The following PARD6G variants were observed in gnomAD, a reference collection of about 807,000 sequenced individuals.
The protein encoded by PARD6G is partitioning defective 6 homolog gamma.
PARD6G carries 7 observed loss-of-function variants against 10.7 expected under a neutral mutation model. The ratio of observed to expected loss-of-function variants is 0.66; its 90% CI spans 0.37 to 1.23. The LOEUF (loss-of-function observed/expected upper bound fraction) is 1.23, where lower values mean the gene tolerates loss of function less well. PARD6G is among the 50% of genes most tolerant of loss of function. The pLI is 0.02. For synonymous variants in PARD6G, 287 were observed against 269.4 expected, an observed-to-expected ratio of 1.07 and a Z score of -0.64; for missense variants, 548 against 571.8, an observed-to-expected ratio of 0.96 and a Z score of 0.42.
Position 80,189,002 on chromosome 18 carries a change from C to G in PARD6G, c.295+13708G>C, listed in dbSNP as rs756338253. On this transcript the variant is annotated intron_variant, in intron 2 of 2. Coordinates refer to ENST00000353265, the MANE Select transcript of PARD6G (RefSeq NM_032510.4). The surrounding 1 kb of genome is among the most constrained non-coding windows in gnomAD (Gnocchi z 5.5). ...GTAGGCGTTGCCCAGCCCGGGGTTG[C>G]CTGACACTCTCTGGGGCAGAGAACC... Among the ~76,000 whole-genome samples, 1 of 152,216 alleles carries G rather than the reference C, an allele frequency of 6.6e-6. No individual in the cohort carries two copies. Among genetic ancestry groups the G allele is most frequent in the East Asian group, 1.9e-4 (1 of 5,194 alleles).
At chr18:80,173,394 G>T (rs964346541) in intron 2 of PARD6G, among the ~76,000 whole-genome samples, 1 of 152,192 alleles carries the variant, frequency 6.6e-6, no homozygotes, top group Non-Finnish European at 1.5e-5. Flanking sequence ...GGAGGCCGAA[G>T]TGAGTGGATC....
intron 2 of PARD6G, among the ~76,000 whole-genome samples, chr18:80,167,403 A>G (rs2052743993): frequency 6.6e-6 from 1 of 152,182 alleles, no homozygotes; most frequent in South Asian, 2.1e-4. Flanking sequence ...CTCTTCATGC[A>G]GCAGCTCACT....
Position 80,202,870 on chromosome 18 carries a change from G to A in PARD6G, c.135C>T (p.Phe45=). 6.2e-7 allele frequency: 1 copy of A among 1,602,370 alleles called. No individual in the cohort carries two copies. Among genetic ancestry groups the A allele is most frequent in the Non-Finnish European group, 8.5e-7 (1 of 1,175,402 alleles). The change falls in exon 2 of 3, where the codon TTC becomes TTT. Residue 45 remains phenylalanine, a synonymous_variant. Coordinates refer to ENST00000353265, the MANE Select transcript of PARD6G (RefSeq NM_032510.4). The stretch of plus-strand genomic sequence containing the variant: ...GGTGGGTGTGCACAACCAGCTTGTA[G>A]AAATCTTCAAACTTCCCAGGCTTAT... ...DRHKPGKFED[F]YKLVVHTHHI...
chr18:80,202,814 T>A lies in PARD6G; in HGVS notation c.191A>T (p.Tyr64Phe). The A allele has an allele frequency of 6.2e-7, 1 of 1,613,908 alleles. No individual in the cohort carries two copies. Among genetic ancestry groups the A allele is most frequent in the Admixed American group, 1.7e-5 (1 of 59,998 alleles). Residue 64 changes from tyrosine to phenylalanine, a missense_variant, in exon 2 of 3, where the codon TAT (tyrosine) becomes TTT (phenylalanine). Tyr to Phe is a conservative substitution (Grantham distance 22). Around this residue, in one of 2 missense-constraint regions of PARD6G, gnomAD observed 235 missense variants for 291.9 expected, o/e 0.81. Coordinates refer to ENST00000353265, the MANE Select transcript of PARD6G (RefSeq NM_032510.4). ...HISNSDVTIG[Y>F]ADVHGDLLPI... ...CAGCAGGTCTCCGTGCACATCTGCA[T>A]AGCCAATAGTTACATCACTGTTGGA...
At chr18:80,173,014 T>C (rs1347202159) in intron 2 of PARD6G, among the ~76,000 whole-genome samples, 1 of 152,218 alleles carries the variant, frequency 6.6e-6, no homozygotes, top group Non-Finnish European at 1.5e-5. Context: ...AATGTCACCA[T>C]ATGCTTGGAC....
At chr18:80,223,586 G>A (rs1359380436) in intron 1 of PARD6G, among the ~76,000 whole-genome samples, 2 of 152,184 alleles carry the variant, frequency 1.3e-5, no homozygotes, top group African/African-American at 4.8e-5. Flanking sequence ...AGAACGTGTG[G>A]GAATCTTAAC....
rs1967326124 is a variant in PARD6G, at chr18:80,228,807, C to T, written c.72+18470G>A. 6.6e-6 allele frequency among the ~76,000 whole-genome samples: 1 copy of T among 152,212 alleles called. No homozygotes were observed. Among genetic ancestry groups the T allele is most frequent in the African/African-American group, 2.4e-5 (1 of 41,446 alleles). ...AGAACAGTGAACAACTGCAGGTGAT[C>T]AGAAACAGAGACAGATTCCCACAGG... On this transcript the variant is annotated intron_variant, in intron 1 of 2. Transcript: ENST00000353265. The surrounding 1 kb of genome is among the most constrained non-coding windows in gnomAD (Gnocchi z 4.6).
At chr18:80,178,620 C>T (rs1376961069) in intron 2 of PARD6G, among the ~76,000 whole-genome samples, 5 of 152,174 alleles carry the variant, frequency 3.3e-5, no homozygotes, top group Non-Finnish European at 5.9e-5. Flanking sequence ...ATGTCCCAGC[C>T]CCCAGTCTCC....
At chr18:80,198,589 C>T (rs1257131626) in intron 2 of PARD6G, among the ~76,000 whole-genome samples, 1 of 152,200 alleles carries the variant, frequency 6.6e-6, no homozygotes, top group Non-Finnish European at 1.5e-5. Flanking sequence ...GACAGGGAGA[C>T]AGCTGGGGAT....
rs997800680 is a variant in PARD6G, at chr18:80,188,921, T to TG, written c.295+13788dup. ...GGGGCATCTGAACACAAGAGTGACCTGGGGGGTGAATGCAGACATGGGAAG... is the reference window on the plus strand; with the variant it reads ...GGGGCATCTGAACACAAGAGTGACCTGGGGGGGTGAATGCAGACATGGGAAG... On this transcript the variant is annotated intron_variant, in intron 2 of 2. Coordinates refer to ENST00000353265, the MANE Select transcript of PARD6G (RefSeq NM_032510.4). This position sits in a 1 kb window ranked among gnomAD's most constrained non-coding sequence, Gnocchi z 5.4. Among the ~76,000 whole-genome samples the TG allele has an allele frequency of 4.6e-5, 7 of 152,110 alleles. No homozygotes were observed. Among genetic ancestry groups the TG allele is most frequent in the Admixed American group, 2.0e-4 (3 of 15,276 alleles).
Position 80,246,651 on chromosome 18 carries a change from G to A in PARD6G, c.72+626C>T, listed in dbSNP as rs1382065089. On this transcript the variant is annotated intron_variant, in intron 1 of 2. Coordinates refer to ENST00000353265, the MANE Select transcript of PARD6G (RefSeq NM_032510.4). This position sits in a 1 kb window ranked among gnomAD's most constrained non-coding sequence, Gnocchi z 6.7. ...CCCGTGGGGGTGGGGTGGGGTGTCTGGCCCGGGGACGCGCCCGGGGAGGCG... is the reference window on the plus strand; with the variant it reads ...CCCGTGGGGGTGGGGTGGGGTGTCTAGCCCGGGGACGCGCCCGGGGAGGCG... Among the ~76,000 whole-genome samples the A allele has an allele frequency of 7.3e-5, 11 of 150,632 alleles. No homozygotes were observed. Among genetic ancestry groups the A allele is most frequent in the African/African-American group, 2.7e-4 (11 of 40,934 alleles).
At chr18:80,224,463 C>T (rs1051457328) in intron 1 of PARD6G, among the ~76,000 whole-genome samples, 1 of 152,184 alleles carries the variant, frequency 6.6e-6, no homozygotes, top group African/African-American at 2.4e-5. Flanking sequence ...CTCTCACTGT[C>T]GGCACAAACA....
At chr18:80,173,137 T>C (rs1312628685) in intron 2 of PARD6G, among the ~76,000 whole-genome samples, 1 of 152,172 alleles carries the variant, frequency 6.6e-6, no homozygotes, top group Non-Finnish European at 1.5e-5. Context: ...AACTACCCAA[T>C]GTAGAAAGTC....
chr18:80,209,170 G>A (rs1375290600), intron 1 of PARD6G, among the ~76,000 whole-genome samples: 2 of 151,616 alleles, frequency 1.3e-5, no homozygotes, highest in African/African-American at 2.4e-5. Flanking sequence ...CTGACACTAT[G>A]AGCTGTATCA....
intron 2 of PARD6G, chr18:80,170,466 G>C (rs1260974939): frequency 6.6e-6 from 1 of 152,366 alleles, no homozygotes; most frequent in African/African-American, 2.4e-5. Flanking sequence ...CCAAGAGCAG[G>C]ACTGTCGGCT....
At chr18:80,196,815 C>G (rs1444245589) in intron 2 of PARD6G, among the ~76,000 whole-genome samples, 2 of 150,540 alleles carry the variant, frequency 1.3e-5, no homozygotes, top group Admixed American at 1.3e-4. Flanking sequence ...CACTCCTACT[C>G]TAGCGTGAAC....
intron 1 of PARD6G, among the ~76,000 whole-genome samples, chr18:80,238,099 A>T (rs773189991): frequency 5.3e-5 from 8 of 152,202 alleles, no homozygotes. Flanking sequence ...AACCAACCTA[A>T]ATGTCCAACA....
rs1475217923 is a variant in PARD6G at position 80,231,818 on chromosome 18, G to C, written c.72+15459C>G. On this transcript the variant is annotated intron_variant, in intron 1 of 2. Transcript: ENST00000353265. The surrounding 1 kb of genome is among the most constrained non-coding windows in gnomAD (Gnocchi z 4.2). ...GTTCGGCATCTCACAGGCATCCACA[G>C]GGATGGCTGCCGAGCCCTTCTCAAA... Among the ~76,000 whole-genome samples, 1 of 152,114 alleles carries C rather than the reference G, an allele frequency of 6.6e-6. No homozygotes were observed. The highest frequency in any genetic ancestry group is 1.5e-5 in the Non-Finnish European group (1 of 68,016).
At chr18:80,218,535 C>A (rs1165543357) in intron 1 of PARD6G, among the ~76,000 whole-genome samples, 2 of 152,190 alleles carry the variant, frequency 1.3e-5, no homozygotes, top group African/African-American at 2.4e-5. Context: ...GTGGCTTTGT[C>A]AGGTACGGCT....
Sources: gnomAD v4.1 joint callset for allele counts (sites outside exome capture counted in the v4.1 genomes callset) on GRCh38, gnomAD v4.1.1 for gene constraint, gnomAD v4.1.1 regional missense constraint, Gnocchi (gnomAD v3.1) non-coding constraint, MANE v1.5 for transcripts, NCBI Gene and HGNC (gene_info 2026-07-23, HGNC 2026-07-21) for gene names.